DAAM1: variants seen among roughly 807,000 people sequenced by gnomAD.
DAAM1 encodes the protein disheveled-associated activator of morphogenesis 1.
DAAM1 carries 52 observed loss-of-function variants against 130.0 expected under a neutral mutation model. The observed-to-expected ratio is 0.40, with a 90% CI of 0.32 to 0.50. DAAM1 has a LOEUF of 0.50. DAAM1 is among the 20% of genes least tolerant of loss of function. The pLI, the probability that DAAM1 is intolerant of heterozygous loss-of-function variation, is 0.61. For missense variants in DAAM1, 1,134 were observed against 1,303.8 expected, an observed-to-expected ratio of 0.87 and a Z score of 2.01; for synonymous variants, 452 against 444.5, an observed-to-expected ratio of 1.02 and a Z score of -0.21.
At chr14:59,304,873 C>A (rs1175080133) in intron 3 of DAAM1, among the ~76,000 whole-genome samples, 2 of 152,156 alleles carry the variant, frequency 1.3e-5, no homozygotes, top group Non-Finnish European at 2.9e-5. Flanking sequence ...CTTACTGTTA[C>A]CCCTGATTCT....
chr14:59,293,310 A>G (rs1883823244), intron 3 of DAAM1, among the ~76,000 whole-genome samples: 1 of 152,200 alleles, frequency 6.6e-6, no homozygotes, highest in African/African-American at 2.4e-5. Flanking sequence ...ACTGCCCCTT[A>G]GATTAGAAAA....
intron 20 of DAAM1, among the ~76,000 whole-genome samples, chr14:59,358,237 C>G (rs570096850): frequency 6.6e-6 from 1 of 152,160 alleles, no homozygotes; most frequent in Non-Finnish European, 1.5e-5. Context: ...GATTGTAATG[C>G]GTAGCAGTCA....
At chr14:59,249,952 A>C (rs1235093018) in intron 1 of DAAM1, among the ~76,000 whole-genome samples, 2 of 152,226 alleles carry the variant, frequency 1.3e-5, no homozygotes, top group Non-Finnish European at 1.5e-5. Context: ...CTTTAAATAT[A>C]TTTGATTGCA....
rs547640212 is a variant in DAAM1, at chr14:59,208,914, G to C, written c.-38+20146G>C. Among the ~76,000 whole-genome samples, 9 of 152,238 alleles carry C rather than the reference G, an allele frequency of 5.9e-5. No individual in the cohort carries two copies. In the South Asian group the frequency reaches 1.9e-3, roughly 32 times the overall value. On this transcript the variant is annotated intron_variant, in intron 1 of 24. Coordinates refer to ENST00000360909, the MANE Select transcript of DAAM1 (RefSeq NM_001270520.2). ...CCTTCTCTGGCCATGTGATGTACTG[G>C]CTTCCCTCTTCACCTTCTGCTGTGA...
At position 59,295,663 on chromosome 14, in the gene DAAM1, C is replaced by T. The variant is rs774561500; in HGVS notation, c.273+4357C>T. On this transcript the variant is annotated intron_variant, in intron 3 of 24. Transcript: ENST00000360909. ...ACAGATTTACACAGATTTAAAGAAA[C>T]ACGTGTTAAAGTAGTGGAATTAAAG... is the stretch of plus-strand genomic sequence containing the variant. Among the ~76,000 whole-genome samples the T allele has an allele frequency of 5.3e-5, 8 of 152,116 alleles. No individual in the cohort carries two copies. The East Asian group carries it at 1.3e-3, about 26-fold the overall frequency.
chr14:59,352,425 G>A (rs918766843), intron 17 of DAAM1, 101 bp from the exon 18 acceptor site: 11 of 837,306 alleles, frequency 1.3e-5, no homozygotes, highest in African/African-American at 6.8e-5. Context: ...CTCAACAAGA[G>A]TTAACATTTT....
chr14:59,198,355 G>A (rs1400348011), intron 1 of DAAM1, among the ~76,000 whole-genome samples: 1 of 151,744 alleles, frequency 6.6e-6, no homozygotes, highest in Non-Finnish European at 1.5e-5. Context: ...ACAGGTACCC[G>A]CCACCATGCC....
chr14:59,329,476 G>C (rs1333428976), intron 12 of DAAM1, among the ~76,000 whole-genome samples: 1 of 152,148 alleles, frequency 6.6e-6, no homozygotes, highest in East Asian at 1.9e-4. Flanking sequence ...GGGGAACTCA[G>C]GAGAGAGAAG....
At chr14:59,228,867 C>G (rs1375174667) in intron 1 of DAAM1, among the ~76,000 whole-genome samples, 1 of 152,120 alleles carries the variant, frequency 6.6e-6, no homozygotes, top group African/African-American at 2.4e-5. Flanking sequence ...TTTATTTCAC[C>G]TGGATTCTAG....
At chr14:59,200,610 G>A (rs1888068343) in intron 1 of DAAM1, among the ~76,000 whole-genome samples, 1 of 152,280 alleles carries the variant, frequency 6.6e-6, no homozygotes, top group South Asian at 2.1e-4. Flanking sequence ...ACCAACCCAA[G>A]TTCCTTTCTT....
intron 1 of DAAM1, among the ~76,000 whole-genome samples, chr14:59,235,030 C>G (rs1436667327): frequency 1.3e-5 from 2 of 152,010 alleles, no homozygotes; most frequent in Non-Finnish European, 2.9e-5. Flanking sequence ...TGATGTGCTG[C>G]TGGATTTGGT....
At chr14:59,341,152 T>C (rs1054523045) in intron 16 of DAAM1, among the ~76,000 whole-genome samples, 2 of 152,228 alleles carry the variant, frequency 1.3e-5, no homozygotes, top group Non-Finnish European at 2.9e-5. Context: ...AGCAAATGTT[T>C]CTTTTAATGA....
chr14:59,262,136 C>T (rs1882190601), intron 1 of DAAM1, among the ~76,000 whole-genome samples: 1 of 151,534 alleles, frequency 6.6e-6, no homozygotes, highest in Non-Finnish European at 1.5e-5. Flanking sequence ...ATCCACTATT[C>T]TTAAAAAAGC....
At chr14:59,316,398 G>C (rs1884797832) in intron 4 of DAAM1, among the ~76,000 whole-genome samples, 1 of 152,236 alleles carries the variant, frequency 6.6e-6, no homozygotes, top group East Asian at 1.9e-4. Context: ...TAGAGGTCTT[G>C]ACTTTTAGTA....
intron 3 of DAAM1, among the ~76,000 whole-genome samples, chr14:59,315,003 A>T (rs1053413598): frequency 6.6e-6 from 1 of 152,148 alleles, no homozygotes; most frequent in Non-Finnish European, 1.5e-5. Context: ...ACTTTACACC[A>T]CTTAAATTCT....
intron 2 of DAAM1, among the ~76,000 whole-genome samples, chr14:59,290,703 A>G (rs1334283668): frequency 6.6e-6 from 1 of 152,160 alleles, no homozygotes; most frequent in African/African-American, 2.4e-5. Flanking sequence ...GCAGAAACCC[A>G]GTGCTTCCTG....
intron 2 of DAAM1, among the ~76,000 whole-genome samples, chr14:59,278,478 T>C (rs1883068230): frequency 6.6e-6 from 1 of 152,254 alleles, no homozygotes; most frequent in Non-Finnish European, 1.5e-5. Flanking sequence ...TTCTGGAATT[T>C]ATTCTTTTAG....
intron 3 of DAAM1, among the ~76,000 whole-genome samples, chr14:59,295,035 A>C (rs980539164): frequency 5.3e-5 from 8 of 152,214 alleles, no homozygotes; most frequent in Non-Finnish European, 7.3e-5. Flanking sequence ...TATCCAGAAA[A>C]ATACTTGTAC....
intron 1 of DAAM1, among the ~76,000 whole-genome samples, chr14:59,262,588 A>C (rs1378844463): frequency 6.6e-6 from 1 of 152,066 alleles, no homozygotes; most frequent in Admixed American, 6.6e-5. Flanking sequence ...AGCATTTTCA[A>C]CATTTTCCCA....
Sources: allele counts gnomAD v4.1 joint callset (sites outside exome capture counted in the v4.1 genomes callset), GRCh38; gene constraint gnomAD v4.1.1; transcripts MANE v1.5; gene names NCBI Gene and HGNC (gene_info 2026-07-23, HGNC 2026-07-21).